The following RGS8 variants were observed in gnomAD, a reference collection of about 807,000 sequenced individuals.
RGS8 encodes regulator of G-protein signaling 8.
A neutral mutation model predicts 21.7 loss-of-function variants in RGS8; 8 were observed. That is an observed-to-expected ratio of 0.37 (90% confidence interval 0.22 to 0.66). The LOEUF (loss-of-function observed/expected upper bound fraction) is 0.66, where lower values mean the gene tolerates loss of function less well. Ranked by LOEUF, RGS8 falls within the 30% of genes least tolerant of loss-of-function variation. The probability of loss-of-function intolerance (pLI) is 0.59; values close to 1 mark genes in which losing one functional copy is unlikely to be tolerated. For synonymous variants in RGS8, 80 were observed against 83.6 expected, an observed-to-expected ratio of 0.96 and a Z score of 0.24; for missense variants, 157 against 217.9, an observed-to-expected ratio of 0.72 and a Z score of 1.76.
intron 3 of RGS8, among the ~76,000 whole-genome samples, chr1:182,667,495 C>T (rs1450762840): frequency 6.6e-6 from 1 of 152,196 alleles, no homozygotes; most frequent in Non-Finnish European, 1.5e-5. Context: ...TCTCCCCACT[C>T]ATCCCACAAA....
the RGS8 span, among the ~76,000 whole-genome samples, chr1:182,709,860 T>G: frequency 6.6e-6 from 1 of 152,178 alleles, no homozygotes; most frequent in Non-Finnish European, 1.5e-5. Context: ...TCCCTTAGGG[T>G]CATTATGTCA....
chr1:182,719,695 C>T, the RGS8 span, among the ~76,000 whole-genome samples: 2 of 150,814 alleles, frequency 1.3e-5, no homozygotes, highest in Non-Finnish European at 2.9e-5. Context: ...TCCCAAAGTG[C>T]TATGATTATA....
exon 7 of RGS8, chr1:182,646,218 A>G (rs1006179423): frequency 1.3e-5 from 2 of 152,844 alleles, no homozygotes; most frequent in Non-Finnish European, 2.9e-5. Flanking sequence ...CAATGACAGA[A>G]CTAGAAACCT....
At chr1:182,686,480 G>A (rs978805254), upstream of RGS8, among the ~76,000 whole-genome samples, 2 of 152,282 alleles carry the variant, frequency 1.3e-5, no homozygotes, top group African/African-American at 4.8e-5. Context: ...GAGATTTGGG[G>A]AGACTGAATT....
the RGS8 span, among the ~76,000 whole-genome samples, chr1:182,693,037 C>G: frequency 6.6e-6 from 1 of 152,174 alleles, no homozygotes; most frequent in Non-Finnish European, 1.5e-5. Flanking sequence ...TGGAGAAAAT[C>G]TAGGAAATAT....
At chr1:182,643,260 T>C (rs1390815252), downstream of RGS8, 2 of 150,192 alleles carry the variant, frequency 1.3e-5, no homozygotes, top group Non-Finnish European at 3.0e-5. Flanking sequence ...GGTATCTACG[T>C]GCTTGCATGT....
the RGS8 span, among the ~76,000 whole-genome samples, chr1:182,729,376 G>A: frequency 6.6e-6 from 1 of 152,146 alleles, no homozygotes; most frequent in Non-Finnish European, 1.5e-5. Flanking sequence ...TTTCACTAGT[G>A]ATGTTAACAC....
chr1:182,740,598 G>T, the RGS8 span, among the ~76,000 whole-genome samples: 1 of 121,536 alleles, frequency 8.2e-6, no homozygotes, highest in Non-Finnish European at 1.6e-5. Flanking sequence ...GGTGTTTCTC[G>T]CAGAGGGGGA....
chr1:182,683,334 G>A (rs1441289520), intron 1 of RGS8, among the ~76,000 whole-genome samples: 1 of 152,152 alleles, frequency 6.6e-6, no homozygotes, highest in Non-Finnish European at 1.5e-5. Flanking sequence ...CTGTAACCAA[G>A]AACTACTATG....
the RGS8 span, among the ~76,000 whole-genome samples, chr1:182,744,317 G>T: frequency 2.0e-4 from 31 of 152,146 alleles, no homozygotes; most frequent in South Asian, 4.0e-3. Context: ...TGGAGATGGG[G>T]TCCCACTATG....
At chr1:182,681,279 T>C (rs1326004830) in intron 1 of RGS8, among the ~76,000 whole-genome samples, 2 of 152,150 alleles carry the variant, frequency 1.3e-5, no homozygotes, top group East Asian at 1.9e-4. Context: ...GAAATGTGGC[T>C]TTCCCTCCTA....
chr1:182,667,140 A>G (rs1276015315), intron 3 of RGS8, among the ~76,000 whole-genome samples, 167 bp from the exon 5 acceptor site: 1 of 152,210 alleles, frequency 6.6e-6, no homozygotes, highest in Non-Finnish European at 1.5e-5. Context: ...TAGAGAATCA[A>G]TAACTACCTG....
chr1:182,664,618 C>T (rs1165673403), intron 5 of RGS8, among the ~76,000 whole-genome samples: 1 of 152,212 alleles, frequency 6.6e-6, no homozygotes, highest in African/African-American at 2.4e-5. Context: ...AATAGCATTA[C>T]TGCAAATCCT....
At chr1:182,666,684 T>A (rs1004361135) in intron 4 of RGS8, among the ~76,000 whole-genome samples, 188 bp downstream of exon 5, 7 of 151,306 alleles carry the variant, frequency 4.6e-5, no homozygotes, top group African/African-American at 1.7e-4. Context: ...ATTCCCATTC[T>A]GAGATCACTA....
At chr1:182,682,221 T>C (rs1427520236) in intron 1 of RGS8, among the ~76,000 whole-genome samples, 1 of 152,198 alleles carries the variant, frequency 6.6e-6, no homozygotes, top group East Asian at 1.9e-4. Flanking sequence ...GTGAGTTTTG[T>C]TACTTATAAT....
chr1:182,660,420 G>T (rs1445490118), intron 5 of RGS8, among the ~76,000 whole-genome samples: 1 of 151,802 alleles, frequency 6.6e-6, no homozygotes, highest in Non-Finnish European at 1.5e-5. Flanking sequence ...CACATTTCTG[G>T]GTCCAAGTAC....
downstream of RGS8, chr1:182,642,143 C>T (rs1215631326): frequency 1.3e-5 from 2 of 152,286 alleles, no homozygotes; most frequent in Non-Finnish European, 2.9e-5. Flanking sequence ...GCCAGTGGCC[C>T]CATCCTGAAA....
intron 5 of RGS8, among the ~76,000 whole-genome samples, chr1:182,664,773 T>C (rs1039136154): frequency 2.0e-5 from 3 of 152,248 alleles, no homozygotes; most frequent in African/African-American, 7.2e-5. Flanking sequence ...AAAGTGACTG[T>C]TTGTCTCACA....
At chr1:182,726,597 G>C in the RGS8 span, among the ~76,000 whole-genome samples, 1 of 151,900 alleles carries the variant, frequency 6.6e-6, no homozygotes, top group East Asian at 1.9e-4. Context: ...TTGAACCCGA[G>C]AGGCAGAGGT....
Sources: gnomAD v4.1 joint callset for allele counts (sites outside exome capture counted in the v4.1 genomes callset) on GRCh38, gnomAD v4.1.1 for gene constraint, MANE v1.5 for transcripts, NCBI Gene and HGNC (gene_info 2026-07-23, HGNC 2026-07-21) for gene names.